CFAP54: variants seen among roughly 807,000 people sequenced by gnomAD.
CFAP54 encodes the protein cilia- and flagella-associated protein 54.
Under a neutral mutation model 370.4 loss-of-function variants are expected in CFAP54, and 290 were observed. The ratio of observed to expected loss-of-function variants is 0.78; its 90% CI spans 0.71 to 0.86. The LOEUF is 0.86. CFAP54 is among the 40% of genes least tolerant of loss of function. The pLI, the probability that CFAP54 is intolerant of heterozygous loss-of-function variation, is 0.00. For synonymous variants in CFAP54, 1,206 were observed against 1,236.5 expected (o/e 0.98, Z 0.52); for missense variants, 3,399 against 3,528.7 (o/e 0.96, Z 0.93).
chr12:96,587,251 A>G (rs1956082886), intron 22 of CFAP54, among the ~76,000 whole-genome samples: 2 of 152,154 alleles, frequency 1.3e-5, no homozygotes, highest in South Asian at 4.2e-4. Flanking sequence ...TTTGAGAGTG[A>G]TAAAACTATA....
chr12:96,782,023 T>C (rs965001259), intron 60 of CFAP54, among the ~76,000 whole-genome samples: 3 of 152,106 alleles, frequency 2.0e-5, no homozygotes, highest in African/African-American at 7.2e-5. Flanking sequence ...TTTCCAGGAA[T>C]GCAAATGTAA....
At chr12:96,494,364 A>C (rs1331777642) in intron 1 of CFAP54, among the ~76,000 whole-genome samples, 2 of 151,986 alleles carry the variant, frequency 1.3e-5, no homozygotes, top group Non-Finnish European at 2.9e-5. Flanking sequence ...GCAGTGGTGC[A>C]ATCTCAGCTC....
chr12:96,872,090 C>A (rs899712608), intron 67 of CFAP54, among the ~76,000 whole-genome samples: 2 of 151,916 alleles, frequency 1.3e-5, no homozygotes, highest in Non-Finnish European at 2.9e-5. Context: ...TCAATGAACT[C>A]CAAGCATGAT....
At chr12:96,542,763 C>A (rs1213279596) in intron 14 of CFAP54, among the ~76,000 whole-genome samples, 1 of 152,172 alleles carries the variant, frequency 6.6e-6, no homozygotes, top group Non-Finnish European at 1.5e-5. Context: ...ATTCCGATGT[C>A]CCTGATTGTA....
In CFAP54 at chr12:96,564,657, G is replaced by A. The variant is rs1246510043; in HGVS notation, c.2511G>A (p.Met837Ile). Reference protein sequence around the residue: ...STDCFTELNIMNKIKKNTLSK... With the variant: ...STDCFTELNIINKIKKNTLSK... ...TTGTTTTTATAGAATTAAATATAAT[G>A]AATAAAATAAAGAAGAATACATTAT... The change falls in exon 19 of 68, where the codon ATG (methionine) becomes ATA (isoleucine). Residue 837 changes from methionine to isoleucine, a missense_variant. Physicochemically the swap from Met to Ile is conservative, Grantham distance 10. Transcript: ENST00000524981. 2 of 637,600 alleles carry A rather than the reference G, an allele frequency of 3.1e-6. No individual in the cohort carries two copies. The highest frequency in any genetic ancestry group is 2.8e-5 in the East Asian group (1 of 35,964). The allele number at this position is 637,600 out of a possible 1,614,324, so 39.5% of individuals were successfully genotyped here. A position where few individuals can be genotyped will look rare whatever the true frequency, so the allele number is the denominator to read the frequency against.
chr12:96,847,482 C>T (rs988934813), intron 66 of CFAP54, among the ~76,000 whole-genome samples: 3 of 152,180 alleles, frequency 2.0e-5, no homozygotes, highest in African/African-American at 7.2e-5. Flanking sequence ...TCCCCCTACC[C>T]CTTAGTATAT....
intron 66 of CFAP54, among the ~76,000 whole-genome samples, chr12:96,842,401 G>A (rs1959228125): frequency 6.6e-6 from 1 of 152,098 alleles, no homozygotes; most frequent in African/African-American, 2.4e-5. Flanking sequence ...ATCACAGCAA[G>A]GATCCCCTCT....
At chr12:96,661,817 C>T (rs11108628) in intron 38 of CFAP54, among the ~76,000 whole-genome samples, 8,351 of 152,228 alleles carry the variant, frequency 0.055, 299 homozygotes, top group South Asian at 0.09. Flanking sequence ...CCAAGTTGAT[C>T]CATTAAAAAA....
intron 45 of CFAP54, among the ~76,000 whole-genome samples, chr12:96,697,841 CAG>C (rs1455742783): frequency 6.6e-6 from 1 of 152,194 alleles, no homozygotes; most frequent in African/African-American, 2.4e-5. Context: ...CCTTACCACA[CAG>C]AGAATAACAT....
chr12:96,751,852 T>C (rs1339840184), intron 55 of CFAP54, among the ~76,000 whole-genome samples: 1 of 152,126 alleles, frequency 6.6e-6, no homozygotes, highest in Non-Finnish European at 1.5e-5. Flanking sequence ...GTGAGTGGCA[T>C]GCATAACATA....
intron 44 of CFAP54, among the ~76,000 whole-genome samples, chr12:96,693,023 A>C (rs1317822285): frequency 6.6e-6 from 1 of 152,188 alleles, no homozygotes; most frequent in Non-Finnish European, 1.5e-5. Context: ...GCCATTTGAA[A>C]TATTGATGGT....
At chr12:96,843,715 A>G (rs531853159) in intron 66 of CFAP54, among the ~76,000 whole-genome samples, 22 of 152,338 alleles carry the variant, frequency 1.4e-4, no homozygotes, top group Non-Finnish European at 3.1e-4. Context: ...TAGAGTGACC[A>G]TACATCCCAG....
intron 14 of CFAP54, among the ~76,000 whole-genome samples, chr12:96,545,330 G>A (rs1349049054): frequency 2.0e-5 from 3 of 152,018 alleles, no homozygotes; most frequent in African/African-American, 7.2e-5. Flanking sequence ...AAACCACCAT[G>A]GCACGTGTAT....
intron 60 of CFAP54, among the ~76,000 whole-genome samples, chr12:96,765,438 A>C (rs527526208): frequency 1.3e-5 from 2 of 152,138 alleles, no homozygotes; most frequent in African/African-American, 4.8e-5. Context: ...TTTCAGATGC[A>C]TGTTCTTTTA....
At chr12:96,701,682 G>A (rs548489832) in intron 46 of CFAP54, among the ~76,000 whole-genome samples, 2 of 152,232 alleles carry the variant, frequency 1.3e-5, no homozygotes, top group East Asian at 3.9e-4. Context: ...AACCTTCCAA[G>A]TAGGAGGAAC....
chr12:96,498,896 T>C (rs1425963613), intron 1 of CFAP54, among the ~76,000 whole-genome samples: 1 of 152,218 alleles, frequency 6.6e-6, no homozygotes, highest in Non-Finnish European at 1.5e-5. Flanking sequence ...AAAGGACTGT[T>C]GTCCAAAATA....
At chr12:96,715,364 G>A (rs10745769) in intron 48 of CFAP54, among the ~76,000 whole-genome samples, 117,575 of 152,016 alleles carry the variant, frequency 0.77, 46,498 homozygotes, top group African/African-American at 0.93. Flanking sequence ...GGATTGACTA[G>A]GTGGGTGACA....
chr12:96,778,789 C>T (rs1479750983), intron 60 of CFAP54, among the ~76,000 whole-genome samples: 1 of 152,050 alleles, frequency 6.6e-6, no homozygotes, highest in Non-Finnish European at 1.5e-5. Context: ...GCATTTTACT[C>T]TATTATAAAA....
chr12:96,653,061 G>A (rs1956879681), intron 36 of CFAP54, among the ~76,000 whole-genome samples: 1 of 152,236 alleles, frequency 6.6e-6, no homozygotes, highest in East Asian at 1.9e-4. Context: ...GACATGCCCT[G>A]ATTCCACAGG....
Sources: gnomAD v4.1 joint callset for allele counts (sites outside exome capture counted in the v4.1 genomes callset) on GRCh38, gnomAD v4.1.1 for gene constraint, MANE v1.5 for transcripts, NCBI Gene and HGNC (gene_info 2026-07-23, HGNC 2026-07-21) for gene names.